Variants in DLC1 observed in about 807,000 individuals in gnomAD.
The protein encoded by DLC1 is rho GTPase-activating protein 7.
DLC1 carries 54 observed loss-of-function variants against 140.3 expected under a neutral mutation model. The ratio of observed to expected loss-of-function variants is 0.38; its 90% CI spans 0.31 to 0.48. The LOEUF is 0.48. Among genes scored for constraint, DLC1 ranks in the 20% least tolerant of loss-of-function variants. The pLI, the probability that DLC1 is intolerant of heterozygous loss-of-function variation, is 0.96. For missense variants in DLC1, 2,536 were observed against 1,907.0 expected (o/e 1.33, Z -6.14); for synonymous variants, 986 against 728.1 (o/e 1.35, Z -5.70).
chr8:13,426,399 C>T (rs1838583895), intron 2 of DLC1, among the ~76,000 whole-genome samples: 4 of 152,142 alleles, frequency 2.6e-5, no homozygotes, highest in Admixed American at 2.0e-4. Flanking sequence ...TAGCAGCTAC[C>T]ATTGTACTAG....
chr8:13,309,759 C>T (rs545094282), intron 4 of DLC1, among the ~76,000 whole-genome samples: 22 of 152,208 alleles, frequency 1.4e-4, no homozygotes, highest in Admixed American at 8.5e-4. Context: ...TCACACCAAC[C>T]GCACAGAAGC....
intron 9 of DLC1, 141 bp downstream of exon 9, chr8:13,099,206 T>C (rs1337114573): frequency 1.4e-6 from 2 of 1,447,082 alleles, no homozygotes; most frequent in African/African-American, 2.9e-5. Context: ...ATTTTGGTGC[T>C]TCCTGGTTTG....
rs185133019 is a variant in DLC1 at position 13,367,815 on chromosome 8, G to A, written c.1314+25738C>T. Among the ~76,000 whole-genome samples, 6 of 152,306 alleles carry A rather than the reference G, an allele frequency of 3.9e-5. No individual in the cohort carries two copies. In the East Asian group the frequency reaches 9.7e-4, roughly 25 times the overall value. ...AGCACCAGGGCAAGGAAGTGAGACA[G>A]GAGAGGTTTCAAGAGATTCTTCAAG... On this transcript the variant is annotated intron_variant, in intron 4 of 17. Transcript: ENST00000276297.
chr8:13,248,588 C>T lies in DLC1; in HGVS notation c.1348+56681G>A, dbSNP rs79343497. ...CTCACCGTGGGAGGCAAAGTCTCTG[C>T]GGACACCCCCCACATGGTGTAACCC... On this transcript the variant is annotated intron_variant, in intron 5 of 17. Transcript: ENST00000276297. 2.5e-3 allele frequency among the ~76,000 whole-genome samples: 374 copies of T among 152,268 alleles called. 3 individuals are homozygous for T. In the East Asian group the frequency reaches 0.028, roughly 11 times the overall value.
At chr8:13,158,312 G>T (rs1824410923) in intron 5 of DLC1, among the ~76,000 whole-genome samples, 1 of 152,102 alleles carries the variant, frequency 6.6e-6, no homozygotes, top group Non-Finnish European at 1.5e-5. Flanking sequence ...ATAAACAAAA[G>T]AAACAGTATT....
At chr8:13,204,293 G>C (rs1224373717) in intron 5 of DLC1, among the ~76,000 whole-genome samples, 2 of 152,140 alleles carry the variant, frequency 1.3e-5, no homozygotes, top group East Asian at 3.9e-4. Context: ...GAGAGACGGA[G>C]TGCAAAACCA....
chr8:13,373,143 A>T (rs1715677404), intron 4 of DLC1, among the ~76,000 whole-genome samples: 1 of 152,164 alleles, frequency 6.6e-6, no homozygotes, highest in Non-Finnish European at 1.5e-5. Context: ...GATGTCCCAA[A>T]GTGCAGGGAT....
intron 4 of DLC1, among the ~76,000 whole-genome samples, chr8:13,345,547 C>CTTTTT (rs535092622): frequency 0.19 from 13,003 of 66,696 alleles, 2,195 homozygotes; most frequent in African/African-American, 0.25. Flanking sequence ...TTCACTCACA[C>CTTTTT]TTTTTTTTTT....
chr8:13,300,692 C>T (rs919320352), intron 5 of DLC1, among the ~76,000 whole-genome samples: 1 of 152,142 alleles, frequency 6.6e-6, no homozygotes, highest in East Asian at 1.9e-4. Flanking sequence ...GATACTGCGT[C>T]TGAATAACAA....
chr8:13,260,015 A>C (rs539482431), intron 5 of DLC1, among the ~76,000 whole-genome samples: 1 of 152,320 alleles, frequency 6.6e-6, no homozygotes, highest in South Asian at 2.1e-4. Flanking sequence ...AGGAATTTGG[A>C]TGAAGGGGAT....
intron 5 of DLC1, among the ~76,000 whole-genome samples, chr8:13,292,422 A>G (rs1831792486): frequency 6.6e-6 from 1 of 152,190 alleles, no homozygotes; most frequent in Non-Finnish European, 1.5e-5. Flanking sequence ...CTCTTTTTTA[A>G]GGCCCCAAAT....
Position 13,499,436 on chromosome 8 carries a change from A to G in DLC1, c.636T>C (p.Asp212=), listed in dbSNP as rs1168238287. ...IKDAPKVNAV[D]TLNVKDIAPE... is the part of the protein sequence containing the mutation. Reference sequence around the variant, plus strand: ...GTGCAATATCTTTCACGTTCAAAGTATCCACTGCATTTACTTTGGGTGCAT... The same window carrying G: ...GTGCAATATCTTTCACGTTCAAAGTGTCCACTGCATTTACTTTGGGTGCAT... Residue 212 remains aspartate, a synonymous_variant, in exon 2 of 18, where the codon GAT becomes GAC. Coordinates refer to ENST00000276297, the MANE Select transcript of DLC1 (RefSeq NM_182643.3). 1.2e-6 allele frequency: 2 copies of G among 1,613,884 alleles called. No individual in the cohort carries two copies. Among genetic ancestry groups the G allele is most frequent in the South Asian group, 1.1e-5 (1 of 91,078 alleles).
intron 2 of DLC1, among the ~76,000 whole-genome samples, chr8:13,444,287 C>T (rs1333668866): frequency 6.6e-6 from 1 of 152,086 alleles, no homozygotes; most frequent in East Asian, 1.9e-4. Flanking sequence ...ACATCACACA[C>T]TGGGGCCTGA....
intron 1 of DLC1, among the ~76,000 whole-genome samples, chr8:13,570,885 C>G (rs1804629660): frequency 6.6e-6 from 1 of 152,156 alleles, no homozygotes; most frequent in Non-Finnish European, 1.5e-5. Flanking sequence ...TCATTCTAGA[C>G]TAACCTACCA....
At chr8:13,383,693 C>G (rs1193669412) in intron 4 of DLC1, among the ~76,000 whole-genome samples, 1 of 152,150 alleles carries the variant, frequency 6.6e-6, no homozygotes, top group African/African-American at 2.4e-5. Flanking sequence ...GTTTGACTTC[C>G]TTGATTTCTT....
intron 1 of DLC1, among the ~76,000 whole-genome samples, chr8:13,525,644 C>T (rs1802898508): frequency 6.6e-6 from 1 of 152,150 alleles, no homozygotes. Flanking sequence ...TCAAGGGTCT[C>T]TTCATGTGTT....
chr8:13,187,292 A>C (rs535158683), intron 5 of DLC1, among the ~76,000 whole-genome samples: 9 of 152,160 alleles, frequency 5.9e-5, no homozygotes, highest in South Asian at 4.1e-4. Context: ...TTAGTCACTG[A>C]TGTGTCCCTG....
chr8:13,393,458 A>C, intron 4 of DLC1, 95 bp downstream of exon 4: 1 of 1,334,168 alleles, frequency 7.5e-7, no homozygotes, highest in Admixed American at 2.5e-5. Flanking sequence ...CTAAGATTCC[A>C]ACAGTATTTC....
intron 2 of DLC1, among the ~76,000 whole-genome samples, chr8:13,415,523 C>A (rs1042031012): frequency 1.3e-5 from 2 of 151,830 alleles, no homozygotes; most frequent in African/African-American, 4.8e-5. Context: ...CCTCAGCCTA[C>A]CTAGTAGCAG....
Sources: allele counts gnomAD v4.1 joint callset (sites outside exome capture counted in the v4.1 genomes callset), GRCh38; gene constraint gnomAD v4.1.1; transcripts MANE v1.5; gene names NCBI Gene and HGNC (gene_info 2026-07-23, HGNC 2026-07-21).